Variants in PARP8 observed in about 807,000 individuals in gnomAD.
The protein encoded by PARP8 is protein mono-ADP-ribosyltransferase PARP8.
Under a neutral mutation model 124.1 loss-of-function variants are expected in PARP8, and 51 were observed. The observed-to-expected ratio is 0.41, with a 90% confidence interval of 0.33 to 0.52. PARP8 has a LOEUF of 0.52. Ranked by LOEUF, PARP8 falls within the 20% of genes least tolerant of loss-of-function variation. The probability of loss-of-function intolerance (pLI) is 0.21; values close to 1 mark genes in which losing one functional copy is unlikely to be tolerated. For synonymous variants in PARP8, 391 were observed against 361.5 expected, an observed-to-expected ratio of 1.08 and a Z score of -0.93; for missense variants, 860 against 1,018.9, an observed-to-expected ratio of 0.84 and a Z score of 2.12.
chr5:50,711,121 A>G (rs80208604), intron 2 of PARP8, among the ~76,000 whole-genome samples: 2,434 of 152,206 alleles, frequency 0.016, 67 homozygotes, highest in African/African-American at 0.056. Flanking sequence ...GATAAACACA[A>G]TTATGTTATT....
intron 2 of PARP8, among the ~76,000 whole-genome samples, chr5:50,746,974 G>A (rs1561320080): frequency 6.6e-6 from 1 of 152,014 alleles, no homozygotes; most frequent in African/African-American, 2.4e-5. Context: ...GTTACAGTGA[G>A]CTATGATTAT....
intron 3 of PARP8, among the ~76,000 whole-genome samples, chr5:50,755,438 A>T (rs1405321203): frequency 6.6e-6 from 1 of 152,178 alleles, no homozygotes; most frequent in African/African-American, 2.4e-5. Context: ...TAAATAGGGA[A>T]TCCTTTCCCC....
chr5:50,754,150 T>TATATATATAC (rs1312947286), intron 3 of PARP8, among the ~76,000 whole-genome samples: 15 of 37,192 alleles, frequency 4.0e-4, no homozygotes, highest in Admixed American at 1.0e-3. Context: ...TATATATATA[T>TATATATATAC]ACACACACAC....
chr5:50,793,026 G>A lies in PARP8; in HGVS notation c.738-1181G>A, dbSNP rs571426102. Among the ~76,000 whole-genome samples, 50 of 152,180 alleles carry A rather than the reference G, an allele frequency of 3.3e-4. 2 individuals carry two copies. Among genetic ancestry groups the A allele is most frequent in the Admixed American group, 5.9e-4 (9 of 15,288 alleles). On this transcript the variant is annotated intron_variant, in intron 10 of 25. Transcript: ENST00000281631. ...TCAAAACCCATATTTGATAATATAC[G>A]TACTACTACTCTGTCACTTGTATCT...
chr5:50,702,571 G>T (rs575768525), intron 2 of PARP8, among the ~76,000 whole-genome samples: 1 of 152,128 alleles, frequency 6.6e-6, no homozygotes, highest in East Asian at 1.9e-4. Context: ...TAGAAGATGA[G>T]GCTCTTGCTT....
intron 18 of PARP8, among the ~76,000 whole-genome samples, chr5:50,825,785 G>C (rs914344204): frequency 6.6e-6 from 1 of 152,084 alleles, no homozygotes; most frequent in African/African-American, 2.4e-5. Context: ...CTTATACCAT[G>C]CTACGACCAG....
chr5:50,838,072 T>G (rs1399112422), intron 25 of PARP8, among the ~76,000 whole-genome samples: 1 of 152,080 alleles, frequency 6.6e-6, no homozygotes, highest in Non-Finnish European at 1.5e-5. Flanking sequence ...ATGAATAAAA[T>G]GCTCACGTTA....
rs530658025 is a variant in PARP8, at chr5:50,830,053, A to C, written c.2233+92A>C. 1.8e-5 allele frequency: 23 copies of C among 1,305,336 alleles called. No individual in the cohort carries two copies. In the East Asian group the frequency reaches 6.0e-4, roughly 34 times the overall value. The allele number at this position is 1,305,336 out of a possible 1,614,324, so 80.9% of individuals were successfully genotyped here. The stretch of plus-strand genomic sequence containing the variant: ...TATTCACAGCTTTCTATTGTGCCTT[A>C]TTAGATATATTTTTATTAAATTTGT... On this transcript the variant is annotated intron_variant, in intron 22 of 25. Transcript: ENST00000281631.
chr5:50,699,397 T>A (rs1457335881), intron 2 of PARP8, among the ~76,000 whole-genome samples: 2 of 152,198 alleles, frequency 1.3e-5, no homozygotes, highest in Non-Finnish European at 2.9e-5. Context: ...CAGAAGTTAT[T>A]TAAGATTTTA....
chr5:50,834,876 G>A (rs555138619), intron 24 of PARP8, 55 bp from the exon 25 acceptor site: 1 of 1,429,154 alleles, frequency 7.0e-7, no homozygotes, highest in East Asian at 2.3e-5. Context: ...AGTCGGAATG[G>A]ACTAGGATTC....
At chr5:50,739,730 ATAT>A (rs1231520826) in intron 2 of PARP8, among the ~76,000 whole-genome samples, 51 of 42,252 alleles carry the variant, frequency 1.2e-3, no homozygotes, top group Admixed American at 4.1e-3. Context: ...ATATATATAT[ATAT>A]TTTTTTTTTT....
At chr5:50,691,100 C>T (rs777354015) in intron 2 of PARP8, among the ~76,000 whole-genome samples, 1 of 152,186 alleles carries the variant, frequency 6.6e-6, no homozygotes, top group African/African-American at 2.4e-5. Context: ...GGCCTGATAC[C>T]GCAAATCCAC....
At chr5:50,830,971 A>G (rs1746905943) in intron 22 of PARP8, among the ~76,000 whole-genome samples, 1 of 152,236 alleles carries the variant, frequency 6.6e-6, no homozygotes, top group Non-Finnish European at 1.5e-5. Context: ...GGTGAACATT[A>G]AAGAGAACTA....
At chr5:50,669,111 A>G (rs1271182760) in intron 2 of PARP8, 1 of 152,238 alleles carries the variant, frequency 6.6e-6, no homozygotes, top group Non-Finnish European at 1.5e-5. Flanking sequence ...TATACATCTC[A>G]AAACATTTAA....
chr5:50,806,730 G>C (rs1451812988), intron 14 of PARP8, among the ~76,000 whole-genome samples: 1 of 151,770 alleles, frequency 6.6e-6, no homozygotes, highest in East Asian at 1.9e-4. Context: ...ACTATCTCTT[G>C]GTTCTGTGAA....
At chr5:50,803,990 A>G (rs1276938769) in intron 14 of PARP8, among the ~76,000 whole-genome samples, 1 of 152,146 alleles carries the variant, frequency 6.6e-6, no homozygotes, top group African/African-American at 2.4e-5. Context: ...GAGTGGTAAG[A>G]TCAGCCAGAG....
chr5:50,794,702 T>C, intron 11 of PARP8, 151 bp from the exon 12 acceptor site: 1 of 744,060 alleles, frequency 1.3e-6, no homozygotes, highest in Non-Finnish European at 2.2e-6. Flanking sequence ...ATTCTGCACA[T>C]ACCTTTGATT....
intron 2 of PARP8, among the ~76,000 whole-genome samples, chr5:50,704,955 T>A (rs1753981416): frequency 6.6e-6 from 1 of 152,188 alleles, no homozygotes; most frequent in African/African-American, 2.4e-5. Flanking sequence ...TACTTCATGA[T>A]CAATGATTTA....
At chr5:50,683,373 A>C (rs991346858) in intron 2 of PARP8, among the ~76,000 whole-genome samples, 1 of 152,180 alleles carries the variant, frequency 6.6e-6, no homozygotes, top group Non-Finnish European at 1.5e-5. Flanking sequence ...TGTTTTTCTC[A>C]TCATTCATTC....
Sources: gnomAD v4.1 joint callset for allele counts (sites outside exome capture counted in the v4.1 genomes callset) on GRCh38, gnomAD v4.1.1 for gene constraint, MANE v1.5 for transcripts, NCBI Gene and HGNC (gene_info 2026-07-23, HGNC 2026-07-21) for gene names.